Variants in EPHA5 observed in about 807,000 individuals in gnomAD.
The protein encoded by EPHA5 is ephrin type-A receptor 5.
EPHA5 carries 60 observed loss-of-function variants against 105.0 expected under a neutral mutation model. That is an observed-to-expected ratio of 0.57 (90% CI 0.46 to 0.71). The LOEUF is 0.71. Among genes scored for constraint, EPHA5 ranks in the 30% least tolerant of loss-of-function variants. EPHA5 has a pLI of 0.00. For missense variants in EPHA5, 1,218 were observed against 1,274.7 expected, an observed-to-expected ratio of 0.96 and a Z score of 0.68; for synonymous variants, 513 against 449.1, an observed-to-expected ratio of 1.14 and a Z score of -1.80.
At chr4:65,607,671 G>C (rs1216313262) in intron 2 of EPHA5, among the ~76,000 whole-genome samples, 2 of 152,156 alleles carry the variant, frequency 1.3e-5, no homozygotes, top group Non-Finnish European at 2.9e-5. Flanking sequence ...TCATTAAAAA[G>C]CCAGGAAACC....
chr4:65,343,885 G>A (rs890484512), intron 14 of EPHA5, among the ~76,000 whole-genome samples: 1 of 151,680 alleles, frequency 6.6e-6, no homozygotes, highest in African/African-American at 2.4e-5. Flanking sequence ...TTCCTGAAAG[G>A]TTACATAAGC....
At chr4:65,470,600 T>C (rs531345849) in intron 5 of EPHA5, among the ~76,000 whole-genome samples, 33 of 152,270 alleles carry the variant, frequency 2.2e-4, no homozygotes, top group Admixed American at 7.2e-4. Context: ...CAGTGACATA[T>C]AGAGTTGGAT....
intron 3 of EPHA5, among the ~76,000 whole-genome samples, chr4:65,555,499 C>T (rs1479819886): frequency 6.6e-6 from 1 of 151,290 alleles, no homozygotes; most frequent in Admixed American, 6.6e-5. Context: ...ACACCCATGA[C>T]ACAAGTTTAC....
At chr4:65,388,096 C>T (rs1195572610) in intron 8 of EPHA5, among the ~76,000 whole-genome samples, 3 of 150,654 alleles carry the variant, frequency 2.0e-5, no homozygotes, top group Non-Finnish European at 3.0e-5. Flanking sequence ...TGATAGTTTG[C>T]TGAGAATGAT....
At chr4:65,639,947 T>G (rs2149508398) in intron 2 of EPHA5, among the ~76,000 whole-genome samples, 1 of 152,216 alleles carries the variant, frequency 6.6e-6, no homozygotes, top group East Asian at 1.9e-4. Flanking sequence ...TTATTGATAC[T>G]TTGAATTCAA....
intron 11 of EPHA5, among the ~76,000 whole-genome samples, chr4:65,360,307 T>C (rs1237213922): frequency 6.6e-6 from 1 of 151,706 alleles, no homozygotes; most frequent in East Asian, 1.9e-4. Context: ...GCCCCACTGA[T>C]TAGTAAGAAT....
intron 5 of EPHA5, among the ~76,000 whole-genome samples, chr4:65,463,059 A>G (rs28677129): frequency 0.25 from 38,543 of 152,108 alleles, 5,286 homozygotes; most frequent in Middle Eastern, 0.35. Flanking sequence ...ATTTTTCAAA[A>G]AGGTAAGTAT....
At chr4:65,632,903 G>T (rs549291597) in intron 2 of EPHA5, among the ~76,000 whole-genome samples, 1 of 152,046 alleles carries the variant, frequency 6.6e-6, no homozygotes, top group African/African-American at 2.4e-5. Flanking sequence ...AGAGTAAGAA[G>T]TATTTCAAGT....
rs570269236 is a variant in EPHA5 at position 65,342,750 on chromosome 4, A to C, written c.2595+5304T>G. Among the ~76,000 whole-genome samples the C allele has an allele frequency of 3.3e-5, 5 of 151,988 alleles. No homozygotes were observed. In the East Asian group the frequency reaches 9.8e-4, roughly 30 times the overall value. ...ATATGTATATGAGCAATATACATAC[A>C]CATATAATTTATACTGCTGATGTAT... On this transcript the variant is annotated intron_variant, in intron 14 of 16. Coordinates refer to ENST00000613740, the MANE Select transcript of EPHA5 (RefSeq NM_001281766.3).
intron 14 of EPHA5, among the ~76,000 whole-genome samples, chr4:65,343,382 C>T (rs1412462004): frequency 6.6e-6 from 1 of 152,106 alleles, no homozygotes; most frequent in East Asian, 1.9e-4. Flanking sequence ...CCCAGGACTC[C>T]TACTGCTGCA....
intron 3 of EPHA5, among the ~76,000 whole-genome samples, chr4:65,568,673 T>C (rs1406850509): frequency 6.6e-6 from 1 of 151,014 alleles, no homozygotes; most frequent in African/African-American, 2.4e-5. Flanking sequence ...GAAGTACTTG[T>C]CTTGAAAGGT....
intron 5 of EPHA5, among the ~76,000 whole-genome samples, chr4:65,485,801 C>T (rs1730827149): frequency 6.6e-6 from 1 of 152,102 alleles, no homozygotes; most frequent in African/African-American, 2.4e-5. Context: ...ATGATGAGCA[C>T]TTTGAATTAA....
intron 1 of EPHA5, among the ~76,000 whole-genome samples, chr4:65,652,593 T>C (rs949407178): frequency 6.6e-6 from 1 of 152,148 alleles, no homozygotes; most frequent in Non-Finnish European, 1.5e-5. Flanking sequence ...TGTATCTATA[T>C]CATACTCGCC....
chr4:65,664,646 A>T (rs889108035), intron 1 of EPHA5, among the ~76,000 whole-genome samples: 1 of 151,896 alleles, frequency 6.6e-6, no homozygotes, highest in Non-Finnish European at 1.5e-5. Context: ...GAATTACATA[A>T]CTTTTGATAA....
At chr4:65,332,972 G>A (rs1262426513) in intron 15 of EPHA5, among the ~76,000 whole-genome samples, 1 of 151,704 alleles carries the variant, frequency 6.6e-6, no homozygotes, top group Admixed American at 6.6e-5. Context: ...AGGAGTGGTA[G>A]ATCATGAAAA....
intron 8 of EPHA5, among the ~76,000 whole-genome samples, chr4:65,398,665 CTG>C (rs1026592200): frequency 3.3e-5 from 5 of 152,294 alleles, no homozygotes; most frequent in African/African-American, 1.2e-4. Context: ...CTCAGCCAGA[CTG>C]GGGAGACAAC....
chr4:65,642,649 C>G (rs1333490415), intron 2 of EPHA5, among the ~76,000 whole-genome samples: 1 of 151,762 alleles, frequency 6.6e-6, no homozygotes, highest in African/African-American at 2.4e-5. Context: ...TCCATAATAA[C>G]TTTCTTAGTA....
intron 5 of EPHA5, among the ~76,000 whole-genome samples, chr4:65,420,838 T>A (rs1723882397): frequency 2.6e-5 from 4 of 152,164 alleles, no homozygotes; most frequent in Admixed American, 2.0e-4. Context: ...TATTTCATAA[T>A]TTATAGAATA....
intron 8 of EPHA5, among the ~76,000 whole-genome samples, chr4:65,383,400 T>C (rs145887660): frequency 2.0e-4 from 30 of 151,916 alleles, no homozygotes; most frequent in Admixed American, 6.6e-4. Flanking sequence ...TGTTCACTCC[T>C]AAAAATCTTT....
Sources: gnomAD v4.1 joint callset for allele counts (sites outside exome capture counted in the v4.1 genomes callset) on GRCh38, gnomAD v4.1.1 for gene constraint, MANE v1.5 for transcripts, NCBI Gene and HGNC (gene_info 2026-07-23, HGNC 2026-07-21) for gene names.